The following CDH23 variants were observed in gnomAD, a reference collection of about 807,000 sequenced individuals.
CDH23 encodes cadherin related 23.
CDH23 carries 189 observed loss-of-function variants against 317.1 expected under a neutral mutation model. The observed-to-expected ratio is 0.60, with a 90% CI of 0.53 to 0.67. CDH23 has a LOEUF of 0.67. Among genes scored for constraint, CDH23 ranks in the 30% least tolerant of loss-of-function variants. The pLI, the probability that CDH23 is intolerant of heterozygous loss-of-function variation, is 0.00. For missense variants in CDH23, 4,401 were observed against 4,592.4 expected (o/e 0.96, Z 1.20); for synonymous variants, 1,839 against 1,876.8 (o/e 0.98, Z 0.52).
chr10:71,809,701 C>T (rs1841855343), intron 60 of CDH23, 119 bp from the exon 61 acceptor site: 10 of 1,413,264 alleles, frequency 7.1e-6, no homozygotes, highest in South Asian at 4.0e-5. Context: ...CTGCTGTGCC[C>T]TGTGGGCATT....
At chr10:71,608,186 C>A (rs933899353) in intron 9 of CDH23, among the ~76,000 whole-genome samples, 1 of 152,184 alleles carries the variant, frequency 6.6e-6, no homozygotes, top group African/African-American at 2.4e-5. Flanking sequence ...GCTCAGTATG[C>A]GGTCTTCACC....
chr10:71,624,352 A>T (rs182063365), intron 11 of CDH23, among the ~76,000 whole-genome samples: 2 of 152,298 alleles, frequency 1.3e-5, no homozygotes, highest in African/African-American at 4.8e-5. Context: ...AATAAAATTA[A>T]CCAGCCAGAC....
intron 16 of CDH23, among the ~76,000 whole-genome samples, chr10:71,679,002 G>A (rs962212476): frequency 5.3e-5 from 8 of 152,122 alleles, no homozygotes; most frequent in African/African-American, 1.7e-4. Flanking sequence ...GGCCCTAACC[G>A]GCTCCGGGAG....
chr10:71,673,693 C>T (rs369879380), intron 14 of CDH23, among the ~76,000 whole-genome samples: 74 of 152,298 alleles, frequency 4.9e-4, no homozygotes, highest in African/African-American at 1.7e-3. Flanking sequence ...CTTGAGTGAA[C>T]GATGTACTGT....
intron 28 of CDH23, 144 bp from the exon 29 acceptor site, chr10:71,723,901 C>A: frequency 1.1e-6 from 1 of 888,012 alleles, no homozygotes; most frequent in Non-Finnish European, 1.8e-6. Context: ...CCCCTTGTCT[C>A]CCACACCCCC....
In CDH23 at chr10:71,785,850, G is replaced by C. The variant is rs1841091821; in HGVS notation, c.5820+112G>C. The C allele has an allele frequency of 6.7e-6, 5 of 741,932 alleles. No homozygotes were observed. The Admixed American group carries it at 8.1e-5, about 12-fold the overall frequency. 46.0% of individuals were successfully genotyped at this position (741,932 alleles called of 1,614,324 possible). On this transcript the variant is annotated intron_variant, in intron 44 of 69. Transcript: ENST00000224721. ...GCCAGGCTTAGATGCACAGGCTTTG[G>C]AGTGAGCACGTGCTGGCTTCAAATC...
At chr10:71,811,686 C>A (rs756847065) in intron 64 of CDH23, 27 bp from the exon 65 acceptor site, 3 of 1,612,676 alleles carry the variant, frequency 1.9e-6, no homozygotes, top group Non-Finnish European at 2.5e-6. Context: ...TGGCCCCCCT[C>A]ACCAGCCCCT....
At chr10:71,454,987 G>A (rs1010813722) in intron 3 of CDH23, among the ~76,000 whole-genome samples, 1 of 151,770 alleles carries the variant, frequency 6.6e-6, no homozygotes, top group Non-Finnish European at 1.5e-5. Flanking sequence ...ACAGGCTAAT[G>A]AAGCAACACC....
chr10:71,604,898 A>G (rs1438826638), intron 9 of CDH23, among the ~76,000 whole-genome samples: 1 of 152,184 alleles, frequency 6.6e-6, no homozygotes. Context: ...CCTTCATCCT[A>G]GCTGATGTAG....
At chr10:71,450,707 G>T (rs906526875) in intron 3 of CDH23, among the ~76,000 whole-genome samples, 1 of 151,896 alleles carries the variant, frequency 6.6e-6, no homozygotes, top group Admixed American at 6.6e-5. Context: ...GACACCACCC[G>T]CCCCTTCCCA....
At chr10:71,528,350 C>T (rs1396765542) in intron 6 of CDH23, among the ~76,000 whole-genome samples, 1 of 152,010 alleles carries the variant, frequency 6.6e-6, no homozygotes, top group Admixed American at 6.6e-5. Flanking sequence ...AGAGGCAGGG[C>T]GTATGTTGGT....
At chr10:71,642,894 G>T (rs576427958) in intron 11 of CDH23, among the ~76,000 whole-genome samples, 3 of 152,196 alleles carry the variant, frequency 2.0e-5, no homozygotes, top group Admixed American at 1.3e-4. Context: ...GTCTGCTGGG[G>T]AATCTTCACC....
intron 6 of CDH23, among the ~76,000 whole-genome samples, chr10:71,515,392 TCTCA>T (rs1313164195): frequency 0.043 from 1,348 of 31,182 alleles, 6 homozygotes; most frequent in African/African-American, 0.11. Flanking sequence ...TCTCTCTCTC[TCTCA>T]CACACACACA....
rs1195449373 is a variant in CDH23 at position 71,773,526 on chromosome 10, C to G, written c.4846-4154C>G. 2.3e-6 allele frequency: 3 copies of G among 1,324,788 alleles called. No individual in the cohort carries two copies. The South Asian group carries it at 4.0e-5, about 17-fold the overall frequency. 82.1% of individuals were successfully genotyped at this position (1,324,788 alleles called of 1,614,324 possible). A position where few individuals can be genotyped will look rare whatever the true frequency, so the allele number is the denominator to read the frequency against. ...CGGGGAAGCCTCCCGCGACTGAGTGCGAGCGAGTGAGCGCTGCGGGCGGCC... is the reference window on the plus strand; with the variant it reads ...CGGGGAAGCCTCCCGCGACTGAGTGGGAGCGAGTGAGCGCTGCGGGCGGCC... On this transcript the variant is annotated intron_variant, in intron 38 of 69. Transcript: ENST00000224721.
At chr10:71,649,132 G>A (rs1009723299) in intron 14 of CDH23, among the ~76,000 whole-genome samples, 4 of 152,198 alleles carry the variant, frequency 2.6e-5, no homozygotes, top group Admixed American at 2.6e-4. Context: ...AGTCTCCCCA[G>A]GGTGTTTCCT....
At position 71,715,996 on chromosome 10, in the gene CDH23, G is replaced by A. The variant is rs754255948; in HGVS notation, c.3369+3183G>A. ...TGCGGTTGTCCTCGGGGCCCGGCAG[G>A]GGCTGTCGAGGGACGGTGGGCCGGC... On this transcript the variant is annotated intron_variant, in intron 28 of 69. Transcript: ENST00000224721. 1,751 of 1,497,098 alleles carry A rather than the reference G, an allele frequency of 1.2e-3. 3 individuals carry two copies. Among genetic ancestry groups the A allele is most frequent in the Non-Finnish European group, 1.4e-3 (1,620 of 1,122,838 alleles). The allele number at this position is 1,497,098 out of a possible 1,614,324, so 92.7% of individuals were successfully genotyped here.
intron 6 of CDH23, among the ~76,000 whole-genome samples, chr10:71,533,387 C>A (rs771215033): frequency 1.3e-5 from 2 of 152,158 alleles, no homozygotes; most frequent in Non-Finnish European, 2.9e-5. Context: ...ACAAATTCAA[C>A]AAATACTCAA....
chr10:71,614,082 A>G (rs1332677764), intron 9 of CDH23, among the ~76,000 whole-genome samples: 1 of 152,262 alleles, frequency 6.6e-6, no homozygotes, highest in Non-Finnish European at 1.5e-5. Flanking sequence ...TCACACAGCC[A>G]GTCAGTGGTC....
At chr10:71,542,545 G>C (rs1461724433) in intron 6 of CDH23, among the ~76,000 whole-genome samples, 2 of 152,162 alleles carry the variant, frequency 1.3e-5, no homozygotes, top group African/African-American at 4.8e-5. Flanking sequence ...GTTCTCCAGG[G>C]CCCCCTCTGC....
Sources: gnomAD v4.1 joint callset for allele counts (sites outside exome capture counted in the v4.1 genomes callset) on GRCh38, gnomAD v4.1.1 for gene constraint, MANE v1.5 for transcripts, NCBI Gene and HGNC (gene_info 2026-07-23, HGNC 2026-07-21) for gene names.